LRRTM4: variants seen among roughly 807,000 people sequenced by gnomAD.
LRRTM4 encodes the protein leucine rich repeat transmembrane neuronal 4, also known as leucine-rich repeat transmembrane neuronal protein 4.
In LRRTM4, 25 loss-of-function variants were observed where a neutral mutation model predicts 47.6. The observed-to-expected ratio is 0.53, with a 90% CI of 0.38 to 0.73. The LOEUF (loss-of-function observed/expected upper bound fraction) is 0.73. Among genes scored for constraint, LRRTM4 ranks in the 30% least tolerant of loss-of-function variants. The probability of loss-of-function intolerance (pLI) is 0.00; values close to 1 mark genes in which losing one functional copy is unlikely to be tolerated. For synonymous variants in LRRTM4, 311 were observed against 269.5 expected, an observed-to-expected ratio of 1.15 and a Z score of -1.51; for missense variants, 638 against 713.4, an observed-to-expected ratio of 0.89 and a Z score of 1.20.
At chr2:77,057,983 G>C (rs1679663298) in intron 3 of LRRTM4, among the ~76,000 whole-genome samples, 1 of 152,088 alleles carries the variant, frequency 6.6e-6, no homozygotes, top group African/African-American at 2.4e-5. Flanking sequence ...CTACCAACTG[G>C]ATTCTGCCGG....
At chr2:77,064,576 G>C (rs74686504) in intron 3 of LRRTM4, among the ~76,000 whole-genome samples, 2 of 152,138 alleles carry the variant, frequency 1.3e-5, no homozygotes, top group East Asian at 3.9e-4. Context: ...TCAGGCTAGA[G>C]AAGTATGTGC....
chr2:77,252,181 G>C (rs6713173), intron 3 of LRRTM4, among the ~76,000 whole-genome samples: 83,044 of 151,794 alleles, frequency 0.55, 23,074 homozygotes, highest in African/African-American at 0.6. Context: ...TCTAAGACCT[G>C]AGATAGGGAA....
chr2:77,097,976 A>T (rs1670857414), intron 3 of LRRTM4, among the ~76,000 whole-genome samples: 1 of 152,046 alleles, frequency 6.6e-6, no homozygotes, highest in Admixed American at 6.6e-5. Context: ...TAAGGAAAAT[A>T]AGGCGATAAA....
intron 3 of LRRTM4, among the ~76,000 whole-genome samples, chr2:77,404,385 C>A (rs143847479): frequency 5.9e-5 from 9 of 152,108 alleles, no homozygotes; most frequent in African/African-American, 2.2e-4. Context: ...GAGTTTCATT[C>A]AATTTGATGT....
At chr2:76,960,246 T>C (rs1484438183) in intron 3 of LRRTM4, among the ~76,000 whole-genome samples, 1 of 151,698 alleles carries the variant, frequency 6.6e-6, no homozygotes, top group African/African-American at 2.4e-5. Flanking sequence ...TTCAAGTGTA[T>C]CAGCTAGTTA....
chr2:76,842,315 A>T (rs1270696790), intron 3 of LRRTM4, among the ~76,000 whole-genome samples: 3 of 152,138 alleles, frequency 2.0e-5, no homozygotes, highest in Non-Finnish European at 4.4e-5. Flanking sequence ...GGCTTTCCTG[A>T]CTTCAGTTGG....
At chr2:76,997,960 A>G (rs1002234591) in intron 3 of LRRTM4, among the ~76,000 whole-genome samples, 1 of 152,010 alleles carries the variant, frequency 6.6e-6, no homozygotes, top group Non-Finnish European at 1.5e-5. Context: ...TGATGATGTT[A>G]CTGTCTCCCA....
chr2:77,063,195 T>G (rs1158809190), intron 3 of LRRTM4, among the ~76,000 whole-genome samples: 2 of 152,112 alleles, frequency 1.3e-5, no homozygotes, highest in Non-Finnish European at 2.9e-5. Context: ...CCTGACCTCG[T>G]GATCCGCCCA....
intron 3 of LRRTM4, among the ~76,000 whole-genome samples, chr2:77,343,529 G>T (rs1193232658): frequency 6.6e-6 from 1 of 151,528 alleles, no homozygotes; most frequent in East Asian, 1.9e-4. Context: ...GTCATATCTG[G>T]CTATTTGTAC....
chr2:77,360,089 A>G (rs1672125713), intron 3 of LRRTM4, among the ~76,000 whole-genome samples: 1 of 152,114 alleles, frequency 6.6e-6, no homozygotes, highest in African/African-American at 2.4e-5. Flanking sequence ...ACTCATACCA[A>G]TTTTATCTTA....
chr2:77,175,181 T>C (rs1673160243), intron 3 of LRRTM4, among the ~76,000 whole-genome samples: 1 of 151,702 alleles, frequency 6.6e-6, no homozygotes, highest in Non-Finnish European at 1.5e-5. Context: ...GCGATTCTCA[T>C]GCCTCAGCCT....
rs149417505 is a variant in LRRTM4, at chr2:77,351,214, C to T, written c.1551+167104G>A. Reference sequence around the variant, plus strand: ...GCATTTGTTTGCTAAGAATAATAACCGCCAACTCCTTTTACTGGAGGAAAC... The same window carrying T: ...GCATTTGTTTGCTAAGAATAATAACTGCCAACTCCTTTTACTGGAGGAAAC... On this transcript the variant is annotated intron_variant, in intron 3 of 3. Transcript: ENST00000409884. Among the ~76,000 whole-genome samples, 614 of 151,582 alleles carry T rather than the reference C, an allele frequency of 4.1e-3. 3 individuals are homozygous for T. Among genetic ancestry groups the T allele is most frequent in the African/African-American group, 0.014 (578 of 41,318 alleles).
chr2:77,486,910 C>A (rs11126610), intron 3 of LRRTM4, among the ~76,000 whole-genome samples: 1 of 152,046 alleles, frequency 6.6e-6, no homozygotes, highest in East Asian at 1.9e-4. Flanking sequence ...GAAAGATGAC[C>A]ATCAGAGATA....
At chr2:76,962,683 A>C (rs1254189009) in intron 3 of LRRTM4, among the ~76,000 whole-genome samples, 1 of 150,684 alleles carries the variant, frequency 6.6e-6, no homozygotes, top group African/African-American at 2.4e-5. Flanking sequence ...TGGTGAAATA[A>C]ATTTTAATAT....
At chr2:76,895,924 G>T (rs1309504737) in intron 3 of LRRTM4, among the ~76,000 whole-genome samples, 5 of 151,934 alleles carry the variant, frequency 3.3e-5, no homozygotes, top group African/African-American at 1.2e-4. Context: ...TGTGGAAGGT[G>T]GTGGAACCTC....
intron 3 of LRRTM4, among the ~76,000 whole-genome samples, chr2:77,137,751 A>G (rs1359235875): frequency 6.6e-6 from 1 of 152,186 alleles, no homozygotes; most frequent in Non-Finnish European, 1.5e-5. Flanking sequence ...AGGGACACAC[A>G]TAGGCTCAAA....
chr2:77,149,247 T>C (rs1672352294), intron 3 of LRRTM4, among the ~76,000 whole-genome samples: 2 of 152,132 alleles, frequency 1.3e-5, no homozygotes, highest in Admixed American at 1.3e-4. Context: ...TTTTTACCAA[T>C]TGCATACTAA....
chr2:77,440,157 G>A lies in LRRTM4; in HGVS notation c.1551+78161C>T, dbSNP rs141440500. On this transcript the variant is annotated intron_variant, in intron 3 of 3. Coordinates refer to ENST00000409884, the MANE Select transcript of LRRTM4 (RefSeq NM_001134745.3). ...AGGCCGGGCGCGGTGGCTCACGCCT[G>A]TAATCCGAGCACTTTGGGAGGCCGA... Among the ~76,000 whole-genome samples, 640 of 152,326 alleles carry A rather than the reference G, an allele frequency of 4.2e-3. 5 individuals are homozygous for A. Among genetic ancestry groups the A allele is most frequent in the African/African-American group, 0.015 (608 of 41,578 alleles).
chr2:76,881,625 A>G (rs1304456145), intron 3 of LRRTM4, among the ~76,000 whole-genome samples: 3 of 152,160 alleles, frequency 2.0e-5, no homozygotes, highest in Non-Finnish European at 4.4e-5. Context: ...TTAGGAAAAA[A>G]AACTGAACTA....
Sources: gnomAD v4.1 joint callset for allele counts (sites outside exome capture counted in the v4.1 genomes callset) on GRCh38, gnomAD v4.1.1 for gene constraint, MANE v1.5 for transcripts, NCBI Gene and HGNC (gene_info 2026-07-23, HGNC 2026-07-21) for gene names.